The following RASGRP3 variants were observed in gnomAD, a reference collection of about 807,000 sequenced individuals.
RASGRP3 encodes the protein ras guanyl-releasing protein 3.
A neutral mutation model predicts 82.7 loss-of-function variants in RASGRP3; 54 were observed. The ratio of observed to expected loss-of-function variants is 0.65; its 90% CI spans 0.52 to 0.82. The LOEUF is 0.82. Ranked by LOEUF, RASGRP3 falls within the 40% of genes least tolerant of loss-of-function variation. The probability of loss-of-function intolerance (pLI) is 0.00; values close to 1 mark genes in which losing one functional copy is unlikely to be tolerated. For missense variants in RASGRP3, 861 were observed against 828.9 expected, an observed-to-expected ratio of 1.04 and a Z score of -0.48; for synonymous variants, 309 against 300.5, an observed-to-expected ratio of 1.03 and a Z score of -0.29.
In RASGRP3 at chr2:33,558,682, G is replaced by C. The variant is rs141310174; in HGVS notation, c.1716G>C (p.Glu572Asp). Reference protein sequence around the residue: ...GSPSLPPAQDEVFEFPGVTAG... With the variant: ...GSPSLPPAQDDVFEFPGVTAG... The stretch of plus-strand genomic sequence containing the variant: ...CTTTTTCACTTCCAGCGCAGGATGA[G>C]GTGTTTGAGTTCCCTGGAGTCACTG... The change falls in exon 17 of 18, where the codon GAG (glutamate) becomes GAC (aspartate). Residue 572 changes from glutamate to aspartate, a missense_variant. Transcript: ENST00000403687. 1,586 of 1,599,690 alleles carry C rather than the reference G, an allele frequency of 9.9e-4. 16 individuals carry two copies. The African/African-American group carries it at 0.019, about 19-fold the overall frequency.
intron 2 of RASGRP3, among the ~76,000 whole-genome samples, chr2:33,466,113 A>G (rs1045647059): frequency 6.6e-6 from 1 of 152,196 alleles, no homozygotes; most frequent in East Asian, 1.9e-4. Flanking sequence ...CAGCTCATGG[A>G]TCAAGAAGTA....
intron 3 of RASGRP3, among the ~76,000 whole-genome samples, chr2:33,515,588 T>G (rs911362301): frequency 2.0e-5 from 3 of 152,250 alleles, no homozygotes; most frequent in African/African-American, 7.2e-5. Context: ...CCCATTGTAA[T>G]TCCTTATAGC....
intron 1 of RASGRP3, among the ~76,000 whole-genome samples, chr2:33,488,536 A>G (rs1463139926): frequency 6.6e-6 from 1 of 152,208 alleles, no homozygotes; most frequent in Admixed American, 6.5e-5. Context: ...AGAACTCTCC[A>G]TACACAATGG....
At chr2:33,472,728 G>A (rs571782678), upstream of RASGRP3, among the ~76,000 whole-genome samples, 8 of 152,000 alleles carry the variant, frequency 5.3e-5, no homozygotes, top group South Asian at 6.2e-4. Context: ...AGGCTGAGGC[G>A]GGCAGATCAC....
intron 10 of RASGRP3, among the ~76,000 whole-genome samples, chr2:33,530,537 CTG>C (rs1673019372): frequency 8.3e-6 from 1 of 120,652 alleles, no homozygotes; most frequent in Admixed American, 9.7e-5. Context: ...AAAGAAGAAA[CTG>C]AGATTTACAA....
At chr2:33,466,523 A>T (rs1666705761) in intron 2 of RASGRP3, among the ~76,000 whole-genome samples, 1 of 152,168 alleles carries the variant, frequency 6.6e-6, no homozygotes, top group African/African-American at 2.4e-5. Context: ...TACTAAAAAT[A>T]CAAAAATTGG....
At chr2:33,537,207 A>ATC (rs769601659) in intron 11 of RASGRP3, among the ~76,000 whole-genome samples, 1 of 151,042 alleles carries the variant, frequency 6.6e-6, no homozygotes, top group Non-Finnish European at 1.5e-5. Context: ...ATATATATAT[A>ATC]TATCTCAAAA....
intron 17 of RASGRP3, chr2:33,559,746 C>T: frequency 6.9e-6 from 3 of 437,486 alleles, no homozygotes; most frequent in Admixed American, 4.9e-5. Flanking sequence ...CAGCCATTGC[C>T]ACCCTGTCGA....
At chr2:33,530,497 CTTTTTTTTTTTT>C (rs746592952) in intron 10 of RASGRP3, among the ~76,000 whole-genome samples, 4 of 117,108 alleles carry the variant, frequency 3.4e-5, no homozygotes, top group South Asian at 2.9e-4. Flanking sequence ...CTGCCCCTTC[CTTTTTTTTTTTT>C]TTTTTTTTTT....
At chr2:33,553,988 C>T (rs529280920) in intron 14 of RASGRP3, among the ~76,000 whole-genome samples, 21 of 152,242 alleles carry the variant, frequency 1.4e-4, no homozygotes, top group African/African-American at 4.6e-4. Context: ...CCGCCCGCCT[C>T]GGCCTCCGAA....
At position 33,542,657 on chromosome 2, in the gene RASGRP3, TC is replaced by T. The variant is rs371980711; in HGVS notation, c.1279-846del. ...AACCTTTCTTAATCCACCTCCTCTT[TC>T]CCCCCCCCACCAATATCACTCTATT... On this transcript the variant is annotated intron_variant, in intron 12 of 17. Coordinates refer to ENST00000403687, the MANE Select transcript of RASGRP3 (RefSeq NM_001139488.2). Among the ~76,000 whole-genome samples the T allele has an allele frequency of 6.1e-4, 87 of 143,456 alleles. 3 individuals carry two copies. Among genetic ancestry groups the T allele is most frequent in the African/African-American group, 1.8e-3 (73 of 40,394 alleles). The allele number at this position is 143,456 out of a possible 152,430, so 94.1% of individuals were successfully genotyped here.
chr2:33,540,612 A>C (rs930699742), intron 12 of RASGRP3, among the ~76,000 whole-genome samples: 1 of 51,356 alleles, frequency 1.9e-5, no homozygotes, highest in Non-Finnish European at 4.4e-5. Flanking sequence ...GTGTCTGGGG[A>C]ATTTCTCTCT....
At chr2:33,562,374 C>T (rs545760624) in intron 17 of RASGRP3, among the ~76,000 whole-genome samples, 1 of 151,318 alleles carries the variant, frequency 6.6e-6, no homozygotes, top group East Asian at 1.9e-4. Flanking sequence ...CTCAAGTGAT[C>T]CTCCCATCTC....
chr2:33,470,841 A>G (rs1667019132), intron 2 of RASGRP3, among the ~76,000 whole-genome samples: 1 of 152,100 alleles, frequency 6.6e-6, no homozygotes, highest in African/African-American at 2.4e-5. Context: ...TTAGAAGCAA[A>G]TTTTAGTTTG....
At chr2:33,539,281 G>A in intron 12 of RASGRP3, 71 bp downstream of exon 12, 1 of 1,276,328 alleles carries the variant, frequency 7.8e-7, no homozygotes, top group Non-Finnish European at 1.1e-6. Context: ...TTCTGCGATT[G>A]TCCAGGAATC....
chr2:33,500,926 C>T (rs1323944320), intron 1 of RASGRP3, among the ~76,000 whole-genome samples: 1 of 152,076 alleles, frequency 6.6e-6, no homozygotes, highest in Non-Finnish European at 1.5e-5. Context: ...GAGCAAGACT[C>T]CGTCTCAAAA....
At chr2:33,445,506 G>A (rs1299906561) in intron 1 of RASGRP3, among the ~76,000 whole-genome samples, 1 of 152,020 alleles carries the variant, frequency 6.6e-6, no homozygotes, top group African/African-American at 2.4e-5. Context: ...TAATTTTCTT[G>A]GCCCTCTGAA....
At chr2:33,499,669 C>T (rs1669671053) in intron 1 of RASGRP3, among the ~76,000 whole-genome samples, 1 of 151,734 alleles carries the variant, frequency 6.6e-6, no homozygotes, top group African/African-American at 2.4e-5. Context: ...ATGATTTGAC[C>T]CAAATCACTT....
intron 1 of RASGRP3, among the ~76,000 whole-genome samples, chr2:33,507,620 G>A (rs1451202173): frequency 6.6e-6 from 1 of 152,200 alleles, no homozygotes. Flanking sequence ...CCACCTCCCA[G>A]GTTCAGGCGA....
Sources: gnomAD v4.1 joint callset for allele counts (sites outside exome capture counted in the v4.1 genomes callset) on GRCh38, gnomAD v4.1.1 for gene constraint, MANE v1.5 for transcripts, NCBI Gene and HGNC (gene_info 2026-07-23, HGNC 2026-07-21) for gene names.